The following LYRM4 variants were observed in gnomAD, a reference collection of about 807,000 sequenced individuals.
The protein encoded by LYRM4 is LYR motif-containing protein 4.
In LYRM4, 9 loss-of-function variants were observed where a neutral mutation model predicts 11.7. That is an observed-to-expected ratio of 0.77 (90% CI 0.46 to 1.34). LYRM4 has a LOEUF of 1.34. LYRM4 is among the 40% of genes most tolerant of loss of function. LYRM4 has a pLI of 0.00. For synonymous variants in LYRM4, 42 were observed against 40.4 expected (o/e 1.04, Z -0.15); for missense variants, 133 against 112.5 (o/e 1.18, Z -0.82).
the LYRM4 span, among the ~76,000 whole-genome samples, chr6:5,064,197 GA>G: frequency 6.6e-6 from 1 of 150,590 alleles, no homozygotes; most frequent in African/African-American, 2.4e-5. Flanking sequence ...TCTGCTGGCT[GA>G]AAAAAAAAGG....
chr6:5,260,943 C>T lies in LYRM4; in HGVS notation c.-210G>A. On this transcript the variant is annotated 5_prime_UTR_variant, in exon 1 of 3. Coordinates refer to ENST00000330636, the MANE Select transcript of LYRM4 (RefSeq NM_020408.6). Reference sequence around the variant, plus strand: ...GCGCCGCTTCGGGGGCGGGCGCAGGCAGGGCTCGGGGCAGCTAAGGGGGCG... The same window carrying T: ...GCGCCGCTTCGGGGGCGGGCGCAGGTAGGGCTCGGGGCAGCTAAGGGGGCG... The T allele has an allele frequency of 1.5e-6, 2 of 1,340,848 alleles. No individual in the cohort carries two copies. The highest frequency in any genetic ancestry group is 1.9e-6 in the Non-Finnish European group (2 of 1,049,476). The allele number at this position is 1,340,848 out of a possible 1,614,324, so 83.1% of individuals were successfully genotyped here.
chr6:5,190,836 C>T (rs1469142094), intron 2 of LYRM4, among the ~76,000 whole-genome samples: 2 of 152,130 alleles, frequency 1.3e-5, no homozygotes, highest in African/African-American at 2.4e-5. Flanking sequence ...GTTTTACAAA[C>T]TAAAGTTTCT....
At chr6:5,085,560 G>A in the LYRM4 span, 1 of 1,542,546 alleles carries the variant, frequency 6.5e-7, no homozygotes, top group South Asian at 1.2e-5. Flanking sequence ...CGCCGGCCGA[G>A]GAGCTGCCCG....
chr6:5,048,703 T>C, the LYRM4 span, among the ~76,000 whole-genome samples: 1 of 152,204 alleles, frequency 6.6e-6, no homozygotes, highest in Non-Finnish European at 1.5e-5. Flanking sequence ...CATCACTTTT[T>C]GCTTCAGAGC....
At chr6:5,101,076 C>T (rs556376442), downstream of LYRM4, among the ~76,000 whole-genome samples, 6 of 152,312 alleles carry the variant, frequency 3.9e-5, no homozygotes, top group South Asian at 4.1e-4. Flanking sequence ...CACTGCACAT[C>T]GCTGCCGTAC....
At position 5,170,352 on chromosome 6, in the gene LYRM4, T is replaced by A. The variant is rs902509294; in HGVS notation, c.207+46266A>T. Among the ~76,000 whole-genome samples the A allele has an allele frequency of 4.5e-4, 69 of 151,742 alleles. 1 individual carries two copies. Among genetic ancestry groups the A allele is most frequent in the Non-Finnish European group, 8.4e-4 (57 of 67,690 alleles). On this transcript the variant is annotated intron_variant, in intron 2 of 2. Coordinates refer to ENST00000330636, the MANE Select transcript of LYRM4 (RefSeq NM_020408.6). ...GATTAGGTCCATGCCTTAGTGGAAT[T>A]GTGTGTGTATGTGCACATATATATA...
chr6:5,118,259 G>A (rs935718924), intron 2 of LYRM4, among the ~76,000 whole-genome samples: 1 of 151,722 alleles, frequency 6.6e-6, no homozygotes, highest in Admixed American at 6.6e-5. Context: ...TGGGACTGCA[G>A]GCATGCACCA....
At position 5,166,698 on chromosome 6, in the gene LYRM4, T is replaced by G. The variant is rs143940067; in HGVS notation, c.207+49920A>C. Among the ~76,000 whole-genome samples the G allele has an allele frequency of 1.4e-4, 21 of 152,356 alleles. No individual in the cohort carries two copies. In the East Asian group the frequency reaches 2.7e-3, roughly 20 times the overall value. On this transcript the variant is annotated intron_variant, in intron 2 of 2. Coordinates refer to ENST00000330636, the MANE Select transcript of LYRM4 (RefSeq NM_020408.6). Reference sequence around the variant, plus strand: ...GGTCTGGGTTTCACATGGTTACTTTTGGAGACAGGAGGAAAGTGATAAGTT... The same window carrying G: ...GGTCTGGGTTTCACATGGTTACTTTGGGAGACAGGAGGAAAGTGATAAGTT...
intron 2 of LYRM4, among the ~76,000 whole-genome samples, chr6:5,180,056 C>G (rs1318931904): frequency 6.6e-6 from 1 of 152,222 alleles, no homozygotes; most frequent in South Asian, 2.1e-4. Context: ...AAGCTAAACA[C>G]AGAACCACAA....
chr6:5,192,163 T>C (rs1473933071), intron 2 of LYRM4, among the ~76,000 whole-genome samples: 1 of 152,194 alleles, frequency 6.6e-6, no homozygotes, highest in Non-Finnish European at 1.5e-5. Flanking sequence ...TTCAGCAATA[T>C]AAAGTTTGTG....
At chr6:5,251,020 C>T (rs910215679) in intron 1 of LYRM4, among the ~76,000 whole-genome samples, 3 of 152,216 alleles carry the variant, frequency 2.0e-5, no homozygotes, top group Admixed American at 6.5e-5. Context: ...CTCCACTGTT[C>T]GGGCACTATT....
the LYRM4 span, among the ~76,000 whole-genome samples, chr6:5,037,616 G>T: frequency 4.7e-5 from 3 of 63,864 alleles, no homozygotes; most frequent in Non-Finnish European, 7.8e-5. Flanking sequence ...CCTCCCGGAC[G>T]GGGCGGCTGG....
At chr6:5,196,948 A>G (rs1201386099) in intron 2 of LYRM4, among the ~76,000 whole-genome samples, 1 of 152,256 alleles carries the variant, frequency 6.6e-6, no homozygotes, top group African/African-American at 2.4e-5. Context: ...AATATTGATA[A>G]ATGCAAACAC....
At chr6:5,139,843 CTT>C (rs200168631) in intron 2 of LYRM4, among the ~76,000 whole-genome samples, 3 of 142,230 alleles carry the variant, frequency 2.1e-5, no homozygotes, top group Non-Finnish European at 1.5e-5. Context: ...GCACTTTTTT[CTT>C]TTTTTTTTTT....
the LYRM4 span, among the ~76,000 whole-genome samples, chr6:5,079,003 T>C: frequency 0.92 from 140,288 of 152,254 alleles, 64,753 homozygotes; most frequent in African/African-American, 0.98. Flanking sequence ...TTTTCCTCTA[T>C]CCTCTTGGGT....
chr6:5,189,323 CTTAGCCTAAGGTTAGTGG>C (rs1202459001), intron 2 of LYRM4, among the ~76,000 whole-genome samples: 6 of 151,492 alleles, frequency 4.0e-5, no homozygotes, highest in African/African-American at 7.3e-5. Flanking sequence ...AAGGTTAGTG[CTTAGCCTAAGGTTAGTGG>C]TTAGCCTAAG....
At chr6:5,258,240 G>C (rs1764776290) in intron 1 of LYRM4, among the ~76,000 whole-genome samples, 1 of 152,184 alleles carries the variant, frequency 6.6e-6, no homozygotes, top group Admixed American at 6.5e-5. Flanking sequence ...TCTTGCAAGA[G>C]AGTTCCAAAG....
intron 1 of LYRM4, among the ~76,000 whole-genome samples, chr6:5,246,285 T>A (rs1485225988): frequency 6.6e-6 from 1 of 152,138 alleles, no homozygotes; most frequent in African/African-American, 2.4e-5. Flanking sequence ...AGAACAAGAG[T>A]GCCATGTGAA....
the LYRM4 span, among the ~76,000 whole-genome samples, chr6:5,095,083 T>G: frequency 6.6e-6 from 1 of 152,100 alleles, no homozygotes; most frequent in Admixed American, 6.5e-5. Flanking sequence ...AAATAGCACA[T>G]GTAGCCCCAA....
Sources: allele counts gnomAD v4.1 joint callset (sites outside exome capture counted in the v4.1 genomes callset), GRCh38; gene constraint gnomAD v4.1.1; transcripts MANE v1.5; gene names NCBI Gene and HGNC (gene_info 2026-07-23, HGNC 2026-07-21).